The following WDR7 variants were observed in gnomAD, a reference collection of about 807,000 sequenced individuals.
WDR7 encodes the protein WD repeat domain 7, also known as WD repeat-containing protein 7.
WDR7 carries 46 observed loss-of-function variants against 169.4 expected under a neutral mutation model. That is an observed-to-expected ratio of 0.27 (90% CI 0.21 to 0.35). WDR7 has a LOEUF of 0.35. Ranked by LOEUF, WDR7 falls within the 10% of genes least tolerant of loss-of-function variation. The pLI is 1.00. For synonymous variants in WDR7, 612 were observed against 666.8 expected (o/e 0.92, Z 1.27); for missense variants, 1,534 against 1,859.3 (o/e 0.83, Z 3.22).
At chr18:56,914,992 T>C (rs2046605729) in intron 21 of WDR7, among the ~76,000 whole-genome samples, 1 of 152,230 alleles carries the variant, frequency 6.6e-6, no homozygotes, top group African/African-American at 2.4e-5. Context: ...AATAGCTAAC[T>C]ACTTTGAAGA....
At chr18:56,779,643 T>C in intron 18 of WDR7, 94 bp downstream of exon 18, 2 of 923,846 alleles carry the variant, frequency 2.2e-6, no homozygotes, top group Non-Finnish European at 3.3e-6. Flanking sequence ...GTTTATCTGA[T>C]TTATCATCTG....
At chr18:56,991,143 ATTTT>A (rs60092817) in intron 26 of WDR7, among the ~76,000 whole-genome samples, 1,925 of 110,672 alleles carry the variant, frequency 0.017, 13 homozygotes, top group Middle Eastern at 0.055. Flanking sequence ...CCTTCTCCTC[ATTTT>A]TTTTTTTTTT....
At chr18:56,866,757 A>T (rs910376541) in intron 20 of WDR7, among the ~76,000 whole-genome samples, 1 of 152,164 alleles carries the variant, frequency 6.6e-6, no homozygotes, top group African/African-American at 2.4e-5. Context: ...AGGAGTTTTC[A>T]GTAAAGTTTA....
At chr18:56,951,154 A>G (rs780003874) in intron 25 of WDR7, among the ~76,000 whole-genome samples, 79 of 151,754 alleles carry the variant, frequency 5.2e-4, no homozygotes, top group Non-Finnish European at 4.3e-4. Context: ...CCTCGCCATC[A>G]CTCTCACATT....
chr18:56,886,192 C>A (rs1409461640), intron 21 of WDR7, among the ~76,000 whole-genome samples: 1 of 152,044 alleles, frequency 6.6e-6, no homozygotes, highest in Non-Finnish European at 1.5e-5. Context: ...TATCTAAAGT[C>A]GAGATGAAGG....
chr18:56,907,496 G>A (rs1234917818), intron 21 of WDR7, among the ~76,000 whole-genome samples: 2 of 152,136 alleles, frequency 1.3e-5, no homozygotes, highest in African/African-American at 4.8e-5. Context: ...CCTCTTTGAG[G>A]TTTGATTTTC....
At chr18:56,874,308 G>GT (rs910564386) in intron 20 of WDR7, among the ~76,000 whole-genome samples, 3 of 151,820 alleles carry the variant, frequency 2.0e-5, no homozygotes, top group African/African-American at 4.8e-5. Flanking sequence ...CATTTAGGTG[G>GT]TTTTTTTCCC....
intron 20 of WDR7, among the ~76,000 whole-genome samples, chr18:56,832,223 G>A (rs904363037): frequency 7.2e-5 from 11 of 152,196 alleles, no homozygotes; most frequent in South Asian, 6.2e-4. Flanking sequence ...CAAAGCTTCC[G>A]GAAGCTTGGA....
intron 1 of WDR7, among the ~76,000 whole-genome samples, chr18:56,668,559 C>T (rs967230593): frequency 6.6e-6 from 1 of 152,144 alleles, no homozygotes; most frequent in Non-Finnish European, 1.5e-5. Flanking sequence ...CTTATACCTA[C>T]CATGGCATTG....
At chr18:56,670,563 T>C (rs532677203) in intron 1 of WDR7, among the ~76,000 whole-genome samples, 15 of 152,194 alleles carry the variant, frequency 9.9e-5, no homozygotes, top group Non-Finnish European at 2.1e-4. Context: ...CAGGCTGGAA[T>C]GCAGTGGCGC....
chr18:57,015,618 C>T (rs1599248839), intron 26 of WDR7, among the ~76,000 whole-genome samples: 1 of 152,286 alleles, frequency 6.6e-6, no homozygotes, highest in East Asian at 1.9e-4. Context: ...TCTACGGGCT[C>T]CTGTATTGGG....
chr18:56,774,714 A>G (rs1239180253), intron 16 of WDR7, among the ~76,000 whole-genome samples: 1 of 152,086 alleles, frequency 6.6e-6, no homozygotes, highest in African/African-American at 2.4e-5. Flanking sequence ...TAATTTCCTG[A>G]TGAATTTTGA....
intron 5 of WDR7, among the ~76,000 whole-genome samples, chr18:56,685,467 C>T (rs901392607): frequency 4.6e-5 from 7 of 152,126 alleles, no homozygotes; most frequent in African/African-American, 1.7e-4. Flanking sequence ...TAGTCCCTTA[C>T]CTGAAGCTTA....
At chr18:56,930,210 G>C (rs1205543409) in intron 22 of WDR7, among the ~76,000 whole-genome samples, 1 of 152,210 alleles carries the variant, frequency 6.6e-6, no homozygotes, top group Non-Finnish European at 1.5e-5. Context: ...ATGCTTTGAT[G>C]ACACACAGAT....
intron 14 of WDR7, among the ~76,000 whole-genome samples, chr18:56,756,020 G>T (rs896524705): frequency 5.9e-5 from 9 of 152,100 alleles, no homozygotes; most frequent in African/African-American, 2.2e-4. Context: ...ACAGAAATTT[G>T]GCTAGAAGAG....
At chr18:56,807,534 G>A (rs2044796622) in intron 19 of WDR7, among the ~76,000 whole-genome samples, 1 of 151,872 alleles carries the variant, frequency 6.6e-6, no homozygotes, top group African/African-American at 2.4e-5. Context: ...AAATAATAAA[G>A]CTTTATGCTA....
intron 1 of WDR7, among the ~76,000 whole-genome samples, chr18:56,664,320 A>G (rs1034663196): frequency 2.0e-5 from 3 of 152,192 alleles, no homozygotes; most frequent in Non-Finnish European, 4.4e-5. Flanking sequence ...CAAGTTAAAG[A>G]CCACAGATTT....
intron 1 of WDR7, among the ~76,000 whole-genome samples, chr18:56,662,145 T>C (rs943946664): frequency 7.2e-5 from 11 of 152,168 alleles, no homozygotes; most frequent in East Asian, 5.8e-4. Flanking sequence ...CGCATCCTCG[T>C]GAGAGAAAAT....
At position 56,757,135 on chromosome 18, in the gene WDR7, C is replaced by T. The variant is rs17090346; in HGVS notation, c.2542C>T (p.Leu848=). 4.3e-4 allele frequency: 693 copies of T among 1,614,086 alleles called. 3 individuals carry two copies. In the African/African-American group the frequency reaches 8.5e-3, roughly 20 times the overall value. Residue 848 remains leucine (L), a synonymous_variant, in exon 15 of 28, where the codon CTG becomes TTG. Coordinates refer to ENST00000254442, the MANE Select transcript of WDR7 (RefSeq NM_015285.3). ...LSRGGHMSLM[L]PGYNQPACKL... is the part of the protein sequence containing the mutation. Reference sequence around the variant, plus strand: ...AAGAGGAGGCCATATGTCACTGATGCTGCCGGGTTATAATCAGCCTGCTTG... The same window carrying T: ...AAGAGGAGGCCATATGTCACTGATGTTGCCGGGTTATAATCAGCCTGCTTG...
Sources: allele counts gnomAD v4.1 joint callset (sites outside exome capture counted in the v4.1 genomes callset), GRCh38; gene constraint gnomAD v4.1.1; transcripts MANE v1.5; gene names NCBI Gene and HGNC (gene_info 2026-07-23, HGNC 2026-07-21).